The following ERI1 variants were observed in gnomAD, a reference collection of about 807,000 sequenced individuals.
ERI1 encodes the protein exoribonuclease 1.
ERI1 carries 39 observed loss-of-function variants against 39.7 expected under a neutral mutation model. That is an observed-to-expected ratio of 0.98 (90% confidence interval 0.76 to 1.28). ERI1 has a LOEUF of 1.28. Ranked by LOEUF, ERI1 falls within the 50% of genes most tolerant of loss-of-function variation. ERI1 has a pLI of 0.00. For missense variants in ERI1, 581 were observed against 416.9 expected, an observed-to-expected ratio of 1.39 and a Z score of -3.43; for synonymous variants, 204 against 149.6, an observed-to-expected ratio of 1.36 and a Z score of -2.65.
chr8:9,078,592 A>G (rs1219624553), intron 3 of ERI1, among the ~76,000 whole-genome samples: 2 of 152,122 alleles, frequency 1.3e-5, no homozygotes, highest in African/African-American at 2.4e-5. Flanking sequence ...CTGAAGTGCT[A>G]CCCAGATCAA....
At chr8:9,014,851 T>TG (rs1238469203) in intron 3 of ERI1, among the ~76,000 whole-genome samples, 1 of 152,190 alleles carries the variant, frequency 6.6e-6, no homozygotes, top group Non-Finnish European at 1.5e-5. Context: ...TGTTTTGTTT[T>TG]TTTTGAGATG....
chr8:9,050,367 C>T lies in ERI1; in HGVS notation n.299+29903C>T, dbSNP rs554333212. Among the ~76,000 whole-genome samples, 140 of 152,112 alleles carry T rather than the reference C, an allele frequency of 9.2e-4. 1 individual carries two copies. Among genetic ancestry groups the T allele is most frequent in the African/African-American group, 3.1e-3 (128 of 41,510 alleles). ...TACTAAAAATACAAAATTAGCTGAG[C>T]GTGGTGGCACATGCCTGTAATTCCA... is the stretch of plus-strand genomic sequence containing the variant. On this transcript the variant is annotated intron_variant and non_coding_transcript_variant, in intron 3 of 3. Coordinates refer to the ERI1 transcript ENST00000518663.
At chr8:9,018,024 G>A (rs969249225) in intron 4 of ERI1, among the ~76,000 whole-genome samples, 1 of 152,146 alleles carries the variant, frequency 6.6e-6, no homozygotes, top group Non-Finnish European at 1.5e-5. Flanking sequence ...CTAGGTTCAG[G>A]CCTATAAAAA....
rs141330032 is a variant in ERI1 at position 9,022,013 on chromosome 8, A to T, written c.807+1549A>T. Among the ~76,000 whole-genome samples the T allele has an allele frequency of 7.3e-3, 1,113 of 152,128 alleles. 14 individuals are homozygous for T. Among genetic ancestry groups the T allele is most frequent in the African/African-American group, 0.026 (1,069 of 41,486 alleles). On this transcript the variant is annotated intron_variant, in intron 6 of 6. Coordinates refer to ENST00000250263, the MANE Select transcript of ERI1 (RefSeq NM_153332.4). ...CACTCGTTTTTCTAAGAAAAACCTA[A>T]GAGTGCAGTTGCTGGGTCATGGGAT...
intron 3 of ERI1, among the ~76,000 whole-genome samples, chr8:9,041,965 C>G (rs545672574): frequency 3.3e-5 from 5 of 152,310 alleles, no homozygotes; most frequent in Middle Eastern, 3.4e-3. Context: ...AACTCCTGAC[C>G]TTGGGTGATC....
At chr8:9,040,809 C>G (rs1797994392) in intron 3 of ERI1, among the ~76,000 whole-genome samples, 1 of 151,922 alleles carries the variant, frequency 6.6e-6, no homozygotes, top group Admixed American at 6.6e-5. Context: ...CGAACTTAGA[C>G]TTTTGTAAGG....
intron 3 of ERI1, among the ~76,000 whole-genome samples, chr8:9,094,421 A>C (rs1799807584): frequency 1.3e-5 from 2 of 152,276 alleles, no homozygotes; most frequent in South Asian, 4.1e-4. Flanking sequence ...GCAAGGGCTG[A>C]GTCTCAAACT....
At chr8:9,014,392 G>A (rs1585199316) in intron 3 of ERI1, among the ~76,000 whole-genome samples, 1 of 152,038 alleles carries the variant, frequency 6.6e-6, no homozygotes, top group South Asian at 2.1e-4. Flanking sequence ...AGTGTGGCCT[G>A]TGCCCATGTT....
intron 3 of ERI1, among the ~76,000 whole-genome samples, chr8:9,083,402 A>C (rs1019223915): frequency 2.0e-5 from 3 of 152,124 alleles, no homozygotes; most frequent in South Asian, 4.1e-4. Flanking sequence ...TCAAAAATTG[A>C]TGTTTATCTC....
Position 9,044,227 on chromosome 8 carries a change from G to A in ERI1, n.299+23763G>A, listed in dbSNP as rs80346312. Among the ~76,000 whole-genome samples, 124 of 152,336 alleles carry A rather than the reference G, an allele frequency of 8.1e-4. 1 individual carries two copies. The highest frequency in any genetic ancestry group is 7.3e-3 in the East Asian group (38 of 5,178). ...ACATCTTCAAAATCCATCATGGTGC[G>A]AAAGGATGTCCTTGTTAGCATGGCA... On this transcript the variant is annotated intron_variant and non_coding_transcript_variant, in intron 3 of 3. Coordinates refer to the ERI1 transcript ENST00000518663.
chr8:9,078,814 C>T lies in ERI1; in HGVS notation n.300-37534C>T, dbSNP rs1406906144. On this transcript the variant is annotated intron_variant and non_coding_transcript_variant, in intron 3 of 3. Coordinates refer to the ERI1 transcript ENST00000518663. ...AACCAAAACTGTAAGAGAAGATTATCTTTTTTCTCTTCTTTTGTTTTTGTG... is the reference window on the plus strand; with the variant it reads ...AACCAAAACTGTAAGAGAAGATTATTTTTTTTCTCTTCTTTTGTTTTTGTG... Among the ~76,000 whole-genome samples the T allele has an allele frequency of 2.6e-5, 4 of 152,308 alleles. No homozygotes were observed. In the South Asian group the frequency reaches 6.2e-4, roughly 24 times the overall value.
At chr8:9,021,221 C>T (rs937251706) in intron 6 of ERI1, among the ~76,000 whole-genome samples, 3 of 152,156 alleles carry the variant, frequency 2.0e-5, no homozygotes, top group African/African-American at 7.2e-5. Context: ...ACTCTCCATT[C>T]AAACTGTAAG....
chr8:9,054,350 A>G (rs1798444933), intron 3 of ERI1, among the ~76,000 whole-genome samples: 1 of 152,100 alleles, frequency 6.6e-6, no homozygotes, highest in African/African-American at 2.4e-5. Context: ...TTCCTTTTCT[A>G]CAAATACATT....
intron 6 of ERI1, among the ~76,000 whole-genome samples, chr8:9,022,518 G>A (rs1200120731): frequency 2.6e-5 from 4 of 152,074 alleles, no homozygotes; most frequent in African/African-American, 9.7e-5. Flanking sequence ...TCCTGTCTCA[G>A]CATCCCGAGT....
intron 3 of ERI1, among the ~76,000 whole-genome samples, chr8:9,040,645 A>G (rs1797986834): frequency 6.6e-6 from 1 of 151,958 alleles, no homozygotes; most frequent in Non-Finnish European, 1.5e-5. Flanking sequence ...CATATCCCAC[A>G]TGAAGACCTC....
intron 3 of ERI1, among the ~76,000 whole-genome samples, chr8:9,056,613 G>T (rs922454108): frequency 6.6e-6 from 1 of 150,464 alleles, no homozygotes; most frequent in Non-Finnish European, 1.5e-5. Context: ...AAATAACTTC[G>T]CGAAGGGCTC....
rs571776131 is a variant in ERI1 at position 9,031,683 on chromosome 8, T to G, written c.*1649T>G. ...GCTAATTTCTTTGCCTGTTTTCACT[T>G]TCGCCAAGTACCAACAAGCTCATGT... On this transcript the variant is annotated 3_prime_UTR_variant, in exon 7 of 7. Transcript: ENST00000250263. The G allele has an allele frequency of 6.6e-6, 1 of 152,348 alleles. No individual in the cohort carries two copies. Among genetic ancestry groups the G allele is most frequent in the African/African-American group, 2.4e-5 (1 of 41,574 alleles). The allele number at this position is 152,348 out of a possible 1,614,324, so 9.4% of individuals were successfully genotyped here. A position where few individuals can be genotyped will look rare whatever the true frequency, so the allele number is the denominator to read the frequency against.
intron 3 of ERI1, among the ~76,000 whole-genome samples, chr8:9,069,431 C>T (rs939737050): frequency 2.0e-5 from 3 of 152,158 alleles, no homozygotes; most frequent in Non-Finnish European, 4.4e-5. Context: ...ATGTCAGTAC[C>T]TCCTTGGTAA....
intron 4 of ERI1, 40 bp downstream of exon 4, chr8:9,016,445 T>C: frequency 7.8e-7 from 1 of 1,280,144 alleles, no homozygotes; most frequent in Non-Finnish European, 1.1e-6. Context: ...TTTGAAAGAG[T>C]TCTTGAAATT....
Sources: gnomAD v4.1 joint callset for allele counts (sites outside exome capture counted in the v4.1 genomes callset) on GRCh38, gnomAD v4.1.1 for gene constraint, MANE v1.5 for transcripts, NCBI Gene and HGNC (gene_info 2026-07-23, HGNC 2026-07-21) for gene names.